TENM3: variants seen among roughly 807,000 people sequenced by gnomAD.
The protein encoded by TENM3 is teneurin transmembrane protein 3, also known as teneurin-3.
TENM3 carries 63 observed loss-of-function variants against 255.1 expected under a neutral mutation model. That is an observed-to-expected ratio of 0.25 (90% CI 0.20 to 0.30). TENM3 has a LOEUF of 0.30. TENM3 is among the 10% of genes least tolerant of loss of function. TENM3 has a pLI of 1.00. For synonymous variants in TENM3, 1,306 were observed against 1,322.3 expected, an observed-to-expected ratio of 0.99 and a Z score of 0.27; for missense variants, 2,929 against 3,461.1, an observed-to-expected ratio of 0.85 and a Z score of 3.86.
chr4:182,705,689 T>TG (rs1293677244), intron 12 of TENM3, among the ~76,000 whole-genome samples: 21 of 152,186 alleles, frequency 1.4e-4, no homozygotes, highest in African/African-American at 4.8e-4. Flanking sequence ...TTGTTCCATG[T>TG]CTCAGCCGGA....
chr4:182,802,609 AT>A lies in TENM3; in HGVS notation c.*2261del, dbSNP rs1182539492. On this transcript the variant is annotated 3_prime_UTR_variant, in exon 28 of 28. Coordinates refer to ENST00000511685, the MANE Select transcript of TENM3 (RefSeq NM_001080477.4). ...TCACTCGGGCACCGATAAATAACAG[AT>A]TTGGAGTATCTCCTGGTGCTTATTT... The A allele has an allele frequency of 6.6e-6, 1 of 152,648 alleles. No individual in the cohort carries two copies. The highest frequency in any genetic ancestry group is 1.5e-5 in the Non-Finnish European group (1 of 68,046). 9.5% of individuals were successfully genotyped at this position (152,648 alleles called of 1,614,324 possible). A position where few individuals can be genotyped will look rare whatever the true frequency, so the allele number is the denominator to read the frequency against.
At chr4:182,728,244 C>A (rs1196718097) in intron 13 of TENM3, among the ~76,000 whole-genome samples, 1 of 152,210 alleles carries the variant, frequency 6.6e-6, no homozygotes, top group Non-Finnish European at 1.5e-5. Context: ...TTCTGACCCT[C>A]TCCCAAATTT....
chr4:181,944,545 C>T, the TENM3 span, among the ~76,000 whole-genome samples: 1,121 of 152,270 alleles, frequency 7.4e-3, 16 homozygotes, highest in African/African-American at 0.026. Context: ...TATGCCTTGG[C>T]CTGCTCAAGT....
the TENM3 span, among the ~76,000 whole-genome samples, chr4:181,794,037 G>A: frequency 6.6e-6 from 1 of 152,100 alleles, no homozygotes. Flanking sequence ...TACAAAACAA[G>A]CATCAAAAAC....
the TENM3 span, among the ~76,000 whole-genome samples, chr4:182,112,525 T>C: frequency 1.3e-5 from 2 of 152,350 alleles, no homozygotes; most frequent in Admixed American, 6.5e-5. Flanking sequence ...AATCAATGAC[T>C]ATTGACATCC....
chr4:181,773,056 T>C, the TENM3 span, among the ~76,000 whole-genome samples: 2 of 152,184 alleles, frequency 1.3e-5, no homozygotes, highest in Non-Finnish European at 2.9e-5. Context: ...TTCCCTTGTT[T>C]GGCTCTCATC....
At chr4:182,396,021 A>G (rs1768782362) in intron 3 of TENM3, among the ~76,000 whole-genome samples, 1 of 152,144 alleles carries the variant, frequency 6.6e-6, no homozygotes, top group Non-Finnish European at 1.5e-5. Flanking sequence ...TTGTCATTCC[A>G]TTTCAGTTGT....
At chr4:181,666,147 C>T in the TENM3 span, among the ~76,000 whole-genome samples, 2 of 152,060 alleles carry the variant, frequency 1.3e-5, no homozygotes, top group South Asian at 2.1e-4. Flanking sequence ...AAAATACATA[C>T]GCAAATTAAG....
intron 4 of TENM3, among the ~76,000 whole-genome samples, chr4:182,614,986 CA>C (rs1311748201): frequency 7.0e-6 from 1 of 142,172 alleles, no homozygotes; most frequent in Non-Finnish European, 1.5e-5. Flanking sequence ...ACTTTGTCCT[CA>C]GCAGTTTCGA....
chr4:182,101,156 AAGGAAAGAAGGGAGGG>A, the TENM3 span, among the ~76,000 whole-genome samples: 4 of 66,512 alleles, frequency 6.0e-5, no homozygotes, highest in East Asian at 4.4e-4. Context: ...GGGAGGGAGG[AAGGAAAGAAGGGAGGG>A]AGGAAGGAAA....
the TENM3 span, among the ~76,000 whole-genome samples, chr4:181,703,733 G>A: frequency 1.3e-5 from 2 of 152,058 alleles, no homozygotes; most frequent in East Asian, 1.9e-4. Flanking sequence ...GCTAATTTTC[G>A]TTTTCCTCTT....
intron 3 of TENM3, among the ~76,000 whole-genome samples, chr4:182,384,155 C>T (rs1417105976): frequency 6.6e-6 from 1 of 152,130 alleles, no homozygotes; most frequent in Non-Finnish European, 1.5e-5. Context: ...AGATCTTTCA[C>T]ACTCACCCTG....
the TENM3 span, among the ~76,000 whole-genome samples, chr4:181,575,348 A>G: frequency 3.7e-3 from 561 of 152,232 alleles, 5 homozygotes; most frequent in African/African-American, 0.013. Flanking sequence ...GTATACCAAT[A>G]GGTTGATCTA....
At chr4:182,295,256 C>CTTTTTTTTTT (rs1365630117) in intron 1 of TENM3, among the ~76,000 whole-genome samples, 2 of 121,536 alleles carry the variant, frequency 1.6e-5, no homozygotes, top group African/African-American at 3.4e-5. Flanking sequence ...ATGTGCTTTG[C>CTTTTTTTTTT]TTTTCTTTTT....
the TENM3 span, among the ~76,000 whole-genome samples, chr4:181,510,267 G>A: frequency 6.6e-6 from 1 of 151,830 alleles, no homozygotes; most frequent in Non-Finnish European, 1.5e-5. Context: ...ATGGTATTTA[G>A]GCCATTTAAA....
intron 18 of TENM3, among the ~76,000 whole-genome samples, chr4:182,740,160 G>A (rs909478129): frequency 2.0e-5 from 3 of 152,186 alleles, no homozygotes; most frequent in Non-Finnish European, 4.4e-5. Context: ...CTATTTTATA[G>A]CAGTATATTA....
chr4:182,139,489 C>T (rs565164817), upstream of TENM3, among the ~76,000 whole-genome samples: 16 of 152,280 alleles, frequency 1.1e-4, no homozygotes, highest in Non-Finnish European at 2.2e-4. Context: ...CCTGTAGTGT[C>T]ACTATTGTAT....
intron 1 of TENM3, among the ~76,000 whole-genome samples, chr4:182,289,577 G>A (rs548531331): frequency 8.0e-4 from 121 of 152,172 alleles, no homozygotes; most frequent in African/African-American, 2.9e-3. Flanking sequence ...AACATTTACT[G>A]AAAAGTTAAA....
At chr4:182,417,865 T>C (rs1770504604) in intron 3 of TENM3, among the ~76,000 whole-genome samples, 1 of 152,220 alleles carries the variant, frequency 6.6e-6, no homozygotes, top group Non-Finnish European at 1.5e-5. Context: ...AGATGATTGA[T>C]AACATGTTTC....
Sources: allele counts gnomAD v4.1 joint callset (sites outside exome capture counted in the v4.1 genomes callset), GRCh38; gene constraint gnomAD v4.1.1; transcripts MANE v1.5; gene names NCBI Gene and HGNC (gene_info 2026-07-23, HGNC 2026-07-21).